The following STOX2 variants were observed in gnomAD, a reference collection of about 807,000 sequenced individuals.
STOX2 encodes storkhead-box protein 2.
In STOX2, 28 loss-of-function variants were observed where a neutral mutation model predicts 60.9. That is an observed-to-expected ratio of 0.46 (90% CI 0.34 to 0.63). The LOEUF is 0.63. Ranked by LOEUF, STOX2 falls within the 30% of genes least tolerant of loss-of-function variation. STOX2 has a pLI of 0.01. For missense variants in STOX2, 1,024 were observed against 1,187.7 expected (o/e 0.86, Z 2.03); for synonymous variants, 472 against 463.9 (o/e 1.02, Z -0.22).
At chr4:183,804,877 T>C (rs909363014) in intron 1 of STOX2, among the ~76,000 whole-genome samples, 2 of 152,256 alleles carry the variant, frequency 1.3e-5, no homozygotes, top group Admixed American at 6.5e-5. Flanking sequence ...TTACTGCTTA[T>C]AGATTAATTA....
chr4:183,808,019 G>C (rs749756827), intron 1 of STOX2, among the ~76,000 whole-genome samples: 15 of 152,326 alleles, frequency 9.8e-5, no homozygotes, highest in Middle Eastern at 3.4e-3. Flanking sequence ...GCGGGTTCCC[G>C]TAGCAGATGG....
chr4:183,840,463 TTCA>T (rs1560840097), intron 1 of STOX2, among the ~76,000 whole-genome samples: 1 of 152,218 alleles, frequency 6.6e-6, no homozygotes, highest in Non-Finnish European at 1.5e-5. Context: ...ACGTAGCCCC[TTCA>T]TCACTGCAGA....
At chr4:183,818,624 C>T (rs181951423) in intron 1 of STOX2, among the ~76,000 whole-genome samples, 3,298 of 152,332 alleles carry the variant, frequency 0.022, 114 homozygotes, top group African/African-American at 0.074. Context: ...ACCTCCCAGA[C>T]GGGGTGGCGG....
chr4:184,013,504 A>G (rs947816092), intron 3 of STOX2, among the ~76,000 whole-genome samples: 2 of 152,238 alleles, frequency 1.3e-5, no homozygotes, highest in Non-Finnish European at 2.9e-5. Context: ...AATTTTCTCT[A>G]CATGAAAACG....
At chr4:183,944,746 C>A (rs1232027556) in intron 1 of STOX2, among the ~76,000 whole-genome samples, 2 of 152,284 alleles carry the variant, frequency 1.3e-5, no homozygotes, top group Non-Finnish European at 2.9e-5. Flanking sequence ...GTGAGAAAGT[C>A]ATTTAAGTAT....
chr4:183,865,145 C>T lies in STOX2; in HGVS notation c.364+67090C>T, dbSNP rs17075105. Among the ~76,000 whole-genome samples the T allele has an allele frequency of 0.014, 2,075 of 152,358 alleles. 51 individuals are homozygous for T. The highest frequency in any genetic ancestry group is 0.047 in the African/African-American group (1,951 of 41,576). ...CTGCCTATGGTTTATCACATATGTA[C>T]TGTCTCTGCTACTTGAGGCTCACAC... On this transcript the variant is annotated intron_variant, in intron 1 of 2. Coordinates refer to the STOX2 transcript ENST00000513034. The surrounding 1 kb of genome is among the most constrained non-coding windows in gnomAD (Gnocchi z 4.1).
chr4:183,956,643 C>A (rs1397611434), intron 1 of STOX2, among the ~76,000 whole-genome samples: 2 of 152,140 alleles, frequency 1.3e-5, no homozygotes, highest in South Asian at 2.1e-4. Flanking sequence ...GAAAGTTGAT[C>A]ATTGATATGA....
At chr4:183,824,233 G>A (rs1739370851) in intron 1 of STOX2, among the ~76,000 whole-genome samples, 1 of 152,064 alleles carries the variant, frequency 6.6e-6, no homozygotes, top group South Asian at 2.1e-4. Flanking sequence ...ATTTAAGCAG[G>A]GATACCCTCA....
intron 1 of STOX2, among the ~76,000 whole-genome samples, chr4:183,837,678 C>A: frequency 6.6e-6 from 1 of 152,190 alleles, no homozygotes; most frequent in East Asian, 1.9e-4. Context: ...AGGCTGGTCT[C>A]GAACTCCTGG....
intron 1 of STOX2, among the ~76,000 whole-genome samples, chr4:183,807,098 G>T (rs112473667): frequency 6.6e-6 from 1 of 151,938 alleles, no homozygotes; most frequent in Non-Finnish European, 1.5e-5. Flanking sequence ...TCAGCCTCCC[G>T]AGTAGCTGGG....
intron 3 of STOX2, chr4:184,015,787 T>TTA (rs1189945876): frequency 6.6e-6 from 1 of 152,234 alleles, no homozygotes; most frequent in African/African-American, 2.4e-5. Context: ...ATTTCCTAAA[T>TTA]GTTGACTCTG....
At position 183,943,506 on chromosome 4, in the gene STOX2, A is replaced by G. The variant is rs556623420; in HGVS notation, c.166+36550A>G. Among the ~76,000 whole-genome samples, 9 of 152,364 alleles carry G rather than the reference A, an allele frequency of 5.9e-5. No homozygotes were observed. In the South Asian group the frequency reaches 1.9e-3, roughly 32 times the overall value. On this transcript the variant is annotated intron_variant, in intron 1 of 3. Transcript: ENST00000308497. ...TACTGTTCTGCTAACTGTTGAATGT[A>G]TTTGGAACTTTCCATTTTAAAATGT...
intron 1 of STOX2, among the ~76,000 whole-genome samples, chr4:183,831,499 T>C (rs1739566920): frequency 6.7e-6 from 1 of 148,488 alleles, no homozygotes; most frequent in Admixed American, 6.6e-5. Context: ...TAGAACTATG[T>C]ACATTTTTTT....
chr4:184,003,018 C>T (rs1352943147), intron 2 of STOX2, among the ~76,000 whole-genome samples: 1 of 152,166 alleles, frequency 6.6e-6, no homozygotes, highest in African/African-American at 2.4e-5. Flanking sequence ...GTCTGATTGC[C>T]TGTCTCTTTT....
intron 1 of STOX2, among the ~76,000 whole-genome samples, chr4:183,895,438 G>A (rs948699169): frequency 1.3e-5 from 2 of 152,128 alleles, no homozygotes; most frequent in Non-Finnish European, 2.9e-5. Flanking sequence ...TTTATTGAGG[G>A]CCTATTTTTT....
rs1734182988 is a variant in STOX2 at position 184,011,726 on chromosome 4, C to T, written c.2585+303C>T. ...TTTTTCTGCTACGTTCATATTGCCACCCATGCTAAGAGAAGGATGTTTTTT... is the reference window on the plus strand; with the variant it reads ...TTTTTCTGCTACGTTCATATTGCCATCCATGCTAAGAGAAGGATGTTTTTT... On this transcript the variant is annotated intron_variant, in intron 3 of 3. Transcript: ENST00000308497. This position sits in a 1 kb window ranked among gnomAD's most constrained non-coding sequence, Gnocchi z 4.4. The T allele has an allele frequency of 2.1e-6, 2 of 965,284 alleles. No individual in the cohort carries two copies. The highest frequency in any genetic ancestry group is 7.0e-5 in the Admixed American group (2 of 28,420). The allele number at this position is 965,284 out of a possible 1,614,324, so 59.8% of individuals were successfully genotyped here. A position where few individuals can be genotyped will look rare whatever the true frequency, so the allele number is the denominator to read the frequency against.
At chr4:183,953,082 A>C (rs1055315432) in intron 1 of STOX2, among the ~76,000 whole-genome samples, 1 of 152,056 alleles carries the variant, frequency 6.6e-6, no homozygotes, top group African/African-American at 2.4e-5. Context: ...AGAAATACCT[A>C]ATGTAGATGA....
intron 1 of STOX2, among the ~76,000 whole-genome samples, chr4:183,820,937 CA>C (rs60152619): frequency 0.069 from 9,559 of 138,806 alleles, 981 homozygotes; most frequent in African/African-American, 0.23. Flanking sequence ...CCCGTCTCTA[CA>C]AAAAAAAAAA....
At chr4:183,887,335 C>CA (rs2111178787) in intron 1 of STOX2, among the ~76,000 whole-genome samples, 1 of 151,912 alleles carries the variant, frequency 6.6e-6, no homozygotes, top group East Asian at 1.9e-4. Context: ...AACCATTTGT[C>CA]AGAGACACCA....
Sources: gnomAD v4.1 joint callset for allele counts (sites outside exome capture counted in the v4.1 genomes callset) on GRCh38, gnomAD v4.1.1 for gene constraint, Gnocchi (gnomAD v3.1) non-coding constraint, MANE v1.5 for transcripts, NCBI Gene and HGNC (gene_info 2026-07-23, HGNC 2026-07-21) for gene names.